Variants in EXOC3L4 observed in about 807,000 individuals in gnomAD.
The protein encoded by EXOC3L4 is exocyst complex component 3 like 4.
EXOC3L4 carries 62 observed loss-of-function variants against 69.7 expected under a neutral mutation model. That is an observed-to-expected ratio of 0.89 (90% CI 0.72 to 1.10). The LOEUF (loss-of-function observed/expected upper bound fraction) is 1.10. Among genes scored for constraint, EXOC3L4 ranks in the 50% least tolerant of loss-of-function variants. The pLI, the probability that EXOC3L4 is intolerant of heterozygous loss-of-function variation, is 0.00. For missense variants in EXOC3L4, 1,087 were observed against 1,034.8 expected (o/e 1.05, Z -0.69); for synonymous variants, 502 against 464.2 (o/e 1.08, Z -1.05).
chr14:103,108,740 G>A (rs1416217175), intron 11 of EXOC3L4, among the ~76,000 whole-genome samples: 1 of 152,050 alleles, frequency 6.6e-6, no homozygotes, highest in African/African-American at 2.4e-5. Flanking sequence ...ACCAGGGGTG[G>A]GCACGCCTCC....
Position 103,102,296 on chromosome 14 carries a change from C to A in EXOC3L4, c.573C>A (p.Ala191=). 2.5e-6 allele frequency: 4 copies of A among 1,573,744 alleles called. No homozygotes were observed. The highest frequency in any genetic ancestry group is 1.7e-4 in the Middle Eastern group (1 of 6,006). Residue 191 remains alanine (A), a synonymous_variant, in exon 3 of 12, where the codon GCC becomes GCA. Transcript: ENST00000688303. ...GCCTGCTTTACGACGGGCTGGCAGC[C>A]GAGATCGGCGCCATCGTGCGCGAGA... ...DVCLLYDGLA[A]EIGAIVRETL...
In EXOC3L4 at chr14:103,097,536, C is replaced by T. The variant is rs934189926; in HGVS notation, c.-16-2668C>T. 4.6e-5 allele frequency among the ~76,000 whole-genome samples: 7 copies of T among 152,144 alleles called. No homozygotes were observed. The highest frequency in any genetic ancestry group is 2.1e-4 in the South Asian group (1 of 4,824). ...CCGCAGGCGCCAGCATGGCAGCAGG[C>T]AGGCCAGCCGGGGGTGGCAGGGCGA... On this transcript the variant is annotated intron_variant, in intron 1 of 11. Coordinates refer to ENST00000688303, the MANE Select transcript of EXOC3L4 (RefSeq NM_001077594.2). The surrounding 1 kb of genome is among the most constrained non-coding windows in gnomAD (Gnocchi z 4.9).
intron 10 of EXOC3L4, 96 bp from the exon 11 acceptor site, chr14:103,108,300 G>T: frequency 1.3e-6 from 2 of 1,523,014 alleles, no homozygotes; most frequent in Middle Eastern, 2.1e-4. Flanking sequence ...CTGACGCTGC[G>T]GGAGGGCTGA....
intron 6 of EXOC3L4, 42 bp from the exon 7 acceptor site, chr14:103,104,950 A>G: frequency 1.9e-6 from 3 of 1,588,566 alleles, no homozygotes; most frequent in Non-Finnish European, 2.6e-6. Flanking sequence ...GTCATCGCGC[A>G]GCTAGGGAGG....
rs773157260 is a variant in EXOC3L4, at chr14:103,100,190, C to T, written c.-16-14C>T. 1 of 1,538,908 alleles carries T rather than the reference C, an allele frequency of 6.5e-7. No individual in the cohort carries two copies. Among genetic ancestry groups the T allele is most frequent in the Non-Finnish European group, 8.8e-7 (1 of 1,138,150 alleles). On this transcript the variant is annotated splice_polypyrimidine_tract_variant and intron_variant, in intron 1 of 11. Transcript: ENST00000688303. ...TCTGCATCTGCTCCTATGGCCACTCCTTCTTGCCCCCAGCTCTCCTGCTGC... is the reference window on the plus strand; with the variant it reads ...TCTGCATCTGCTCCTATGGCCACTCTTTCTTGCCCCCAGCTCTCCTGCTGC...
Position 103,110,105 on chromosome 14 carries a change from C to A in EXOC3L4, c.2051C>A (p.Thr684Asn), listed in dbSNP as rs1223796431. The A allele has an allele frequency of 1.3e-6, 2 of 1,590,108 alleles. No homozygotes were observed. The highest frequency in any genetic ancestry group is 1.1e-5 in the South Asian group (1 of 87,766). Residue 684 changes from threonine (T) to asparagine (N), a missense_variant, in exon 12 of 12, where the codon ACT (threonine) becomes AAT (asparagine). By Grantham distance (65) the Thr-to-Asn change is moderately conservative (BLOSUM62 0). Transcript: ENST00000688303. ...RQRNQHLLQH[T>N]QDLLRAAAGA... ...CGGAACCAGCATCTCTTGCAGCACA[C>A]TCAAGACCTGCTGAGAGCTGCGGCC...
At chr14:103,094,367 G>T (rs1228589087), upstream of EXOC3L4, among the ~76,000 whole-genome samples, 3 of 152,146 alleles carry the variant, frequency 2.0e-5, no homozygotes, top group Non-Finnish European at 4.4e-5. Context: ...TGGAGGGAGG[G>T]GTCCTTCTGG....
intron 4 of EXOC3L4, 93 bp downstream of exon 4, chr14:103,104,145 G>C: frequency 2.1e-6 from 3 of 1,447,234 alleles, no homozygotes; most frequent in Non-Finnish European, 2.7e-6. Flanking sequence ...GGCCAGAGCT[G>C]GCTCTGGTTC....
Position 103,110,271 on chromosome 14 carries a change from C to A in EXOC3L4, c.*48C>A. On this transcript the variant is annotated 3_prime_UTR_variant, in exon 12 of 12. Coordinates refer to ENST00000688303, the MANE Select transcript of EXOC3L4 (RefSeq NM_001077594.2). ...CCGGCCGCTGGCAGGGAGCTGTGGTCAGTGGGGGTCAGCCAGGAGCCCAGG... is the reference window on the plus strand; with the variant it reads ...CCGGCCGCTGGCAGGGAGCTGTGGTAAGTGGGGGTCAGCCAGGAGCCCAGG... 1.3e-6 allele frequency: 2 copies of A among 1,497,000 alleles called. No individual in the cohort carries two copies. Among genetic ancestry groups the A allele is most frequent in the South Asian group, 2.6e-5 (2 of 78,062 alleles). The allele number at this position is 1,497,000 out of a possible 1,614,324, so 92.7% of individuals were successfully genotyped here.
intron 1 of EXOC3L4, among the ~76,000 whole-genome samples, chr14:103,096,125 G>C (rs1393047033): frequency 6.6e-6 from 1 of 152,318 alleles, no homozygotes; most frequent in South Asian, 2.1e-4. Context: ...GCTGAGGCAG[G>C]AGGATTATTT....
In EXOC3L4 at chr14:103,110,279, G is replaced by A. The variant is rs562167575; in HGVS notation, c.*56G>A. 5.3e-6 allele frequency: 8 copies of A among 1,496,090 alleles called. No individual in the cohort carries two copies. The South Asian group carries it at 6.4e-5, about 12-fold the overall frequency. 92.7% of individuals were successfully genotyped at this position (1,496,090 alleles called of 1,614,324 possible). On this transcript the variant is annotated 3_prime_UTR_variant, in exon 12 of 12. Coordinates refer to ENST00000688303, the MANE Select transcript of EXOC3L4 (RefSeq NM_001077594.2). ...TGGCAGGGAGCTGTGGTCAGTGGGG[G>A]TCAGCCAGGAGCCCAGGGAGTCACT... is the stretch of plus-strand genomic sequence containing the variant.
At position 103,097,319 on chromosome 14, in the gene EXOC3L4, T is replaced by G. The variant is rs921442852; in HGVS notation, c.-17+2479T>G. On this transcript the variant is annotated intron_variant, in intron 1 of 11. Transcript: ENST00000688303. The surrounding 1 kb of genome is among the most constrained non-coding windows in gnomAD (Gnocchi z 4.9). ...AGGCCGGGCGTCAGTCTCTGGGGCC[T>G]TGCAATCAGGGAGCGGCAGCATAGG... Among the ~76,000 whole-genome samples the G allele has an allele frequency of 6.6e-6, 1 of 152,082 alleles. No individual in the cohort carries two copies. The highest frequency in any genetic ancestry group is 2.4e-5 in the African/African-American group (1 of 41,396).
rs780476836 is a variant in EXOC3L4, at chr14:103,102,559, TGGCC to T, written c.838_841del (p.Ala280SerfsTer154). 1 of 1,439,098 alleles carries T rather than the reference TGGCC, an allele frequency of 6.9e-7. No individual in the cohort carries two copies. Among genetic ancestry groups the T allele is most frequent in the East Asian group, 3.0e-5 (1 of 33,624 alleles). The allele number at this position is 1,439,098 out of a possible 1,614,324, so 89.1% of individuals were successfully genotyped here. A position where few individuals can be genotyped will look rare whatever the true frequency, so the allele number is the denominator to read the frequency against. On this transcript the variant is annotated frameshift_variant, in exon 3 of 12. Transcript: ENST00000688303. LOFTEE classifies it high-confidence loss of function. The stretch of plus-strand genomic sequence containing the variant: ...GGCGCGTCGGGTTTGGCCCAGCTTC[TGGCC>T]GAGCTGGGTGGCTTGGTTCGCCGCG...
chr14:103,102,286 G>T lies in EXOC3L4; in HGVS notation c.563G>T (p.Gly188Val), dbSNP rs141492907. 239 of 1,578,296 alleles carry T rather than the reference G, an allele frequency of 1.5e-4. 1 individual carries two copies. Among genetic ancestry groups the T allele is most frequent in the Middle Eastern group, 6.6e-4 (4 of 6,034 alleles). Residue 188 changes from glycine (G) to valine (V), a missense_variant, in exon 3 of 12, where the codon GGG becomes GTG. By Grantham distance (109) the Gly-to-Val change is moderately radical. Coordinates refer to ENST00000688303, the MANE Select transcript of EXOC3L4 (RefSeq NM_001077594.2). ...ATGGACGTGTGCCTGCTTTACGACG[G>T]GCTGGCAGCCGAGATCGGCGCCATC... is the stretch of plus-strand genomic sequence containing the variant. ...RAMDVCLLYD[G>V]LAAEIGAIVR...
intron 1 of EXOC3L4, among the ~76,000 whole-genome samples, chr14:103,099,622 G>C (rs919099399): frequency 6.6e-6 from 1 of 152,174 alleles, no homozygotes; most frequent in East Asian, 1.9e-4. Flanking sequence ...ACACCTCCTC[G>C]GCGGGCTCTG....
In EXOC3L4 at chr14:103,104,851, C is replaced by T. The variant is rs754442933; in HGVS notation, c.1385+13C>T. 6.6e-7 allele frequency: 1 copy of T among 1,511,528 alleles called. No homozygotes were observed. The highest frequency in any genetic ancestry group is 8.9e-7 in the Non-Finnish European group (1 of 1,122,794). 93.6% of individuals were successfully genotyped at this position (1,511,528 alleles called of 1,614,324 possible). A position where few individuals can be genotyped will look rare whatever the true frequency, so the allele number is the denominator to read the frequency against. On this transcript the variant is annotated intron_variant, in intron 6 of 11. Coordinates refer to ENST00000688303, the MANE Select transcript of EXOC3L4 (RefSeq NM_001077594.2). ...TCTTCGTGCCCAGGTGCGGACGCAT[C>T]CTCAGTAGGGGAGCGACCTGGCCGG...
chr14:103,108,204 C>T (rs1028070162), intron 10 of EXOC3L4, among the ~76,000 whole-genome samples, 192 bp from the exon 11 acceptor site: 4 of 152,150 alleles, frequency 2.6e-5, no homozygotes, highest in Non-Finnish European at 5.9e-5. Context: ...GTGTAGCCAG[C>T]CCATGAGCCC....
In EXOC3L4 at chr14:103,110,143, G is replaced by T. The variant is rs1216369206; in HGVS notation, c.2089G>T (p.Ala697Ser). The change falls in exon 12 of 12, where the codon GCG becomes TCG. Residue 697 changes from alanine to serine, a missense_variant. Physicochemically the swap from Ala to Ser is moderately conservative, Grantham distance 99 (BLOSUM62 1). Coordinates refer to ENST00000688303, the MANE Select transcript of EXOC3L4 (RefSeq NM_001077594.2). ...GAGAGCTGCGGCCGGGGCGGCGGGTGCGGAGGCCCCTCGGGGCCGCGTGCT... is the reference window on the plus strand; with the variant it reads ...GAGAGCTGCGGCCGGGGCGGCGGGTTCGGAGGCCCCTCGGGGCCGCGTGCT... ...LLRAAAGAAG[A>S]EAPRGRVLFE... 1 of 1,550,122 alleles carries T rather than the reference G, an allele frequency of 6.5e-7. No individual in the cohort carries two copies. The highest frequency in any genetic ancestry group is 1.2e-5 in the South Asian group (1 of 84,134).
At position 103,110,238 on chromosome 14, in the gene EXOC3L4, A is replaced by AGG; in HGVS notation, c.*21_*22dup. 1 of 1,496,870 alleles carries AGG rather than the reference A, an allele frequency of 6.7e-7. No individual in the cohort carries two copies. 92.7% of individuals were successfully genotyped at this position (1,496,870 alleles called of 1,614,324 possible). On this transcript the variant is annotated 3_prime_UTR_variant, in exon 12 of 12. Transcript: ENST00000688303. Reference sequence around the variant, plus strand: ...CCTGCGTCTAGTTCTCTCTGGCTCGAGGGGGGGCCGGCCGCTGGCAGGGAG... The same window carrying AGG: ...CCTGCGTCTAGTTCTCTCTGGCTCGAGGGGGGGGGCCGGCCGCTGGCAGGGAG...
Sources: allele counts gnomAD v4.1 joint callset (sites outside exome capture counted in the v4.1 genomes callset), GRCh38; gene constraint gnomAD v4.1.1; non-coding constraint Gnocchi (gnomAD v3.1); transcripts MANE v1.5; gene names NCBI Gene and HGNC (gene_info 2026-07-23, HGNC 2026-07-21).